Variants in CTNNA1 observed in about 807,000 individuals in gnomAD.
The protein encoded by CTNNA1 is catenin alpha 1.
A neutral mutation model predicts 98.4 loss-of-function variants in CTNNA1; 37 were observed. That is an observed-to-expected ratio of 0.38 (90% CI 0.29 to 0.49). The LOEUF is 0.49. Among genes scored for constraint, CTNNA1 ranks in the 20% least tolerant of loss-of-function variants. The pLI is 0.95. For synonymous variants in CTNNA1, 404 were observed against 413.2 expected, an observed-to-expected ratio of 0.98 and a Z score of 0.27; for missense variants, 761 against 1,147.2, an observed-to-expected ratio of 0.66 and a Z score of 4.86.
chr5:138,888,614 C>G (rs776086797), intron 9 of CTNNA1, among the ~76,000 whole-genome samples: 1 of 152,170 alleles, frequency 6.6e-6, no homozygotes, highest in Non-Finnish European at 1.5e-5. Flanking sequence ...GTGGGACAAT[C>G]TCAGCTGACT....
chr5:138,800,879 T>TATGTATCA (rs1341697342), intron 3 of CTNNA1, among the ~76,000 whole-genome samples: 1 of 152,112 alleles, frequency 6.6e-6, no homozygotes, highest in Non-Finnish European at 1.5e-5. Context: ...CAATTCACAG[T>TATGTATCA]ATGTATCAGG....
At chr5:138,897,105 CCCGCTACCA>C (rs1206086703) in intron 9 of CTNNA1, among the ~76,000 whole-genome samples, 2 of 151,920 alleles carry the variant, frequency 1.3e-5, no homozygotes, top group African/African-American at 4.8e-5. Context: ...TCATCCTTTC[CCCGCTACCA>C]CCAGTAACTT....
intron 7 of CTNNA1, among the ~76,000 whole-genome samples, chr5:138,849,618 A>G (rs1256836096): frequency 1.3e-5 from 2 of 152,164 alleles, no homozygotes; most frequent in African/African-American, 4.8e-5. Flanking sequence ...GGCTGGTATC[A>G]TCACTCCACT....
Position 138,874,250 on chromosome 5 carries a change from G to T in CTNNA1, c.1063-11962G>T. The T allele has an allele frequency of 6.2e-7, 1 of 1,614,020 alleles. No individual in the cohort carries two copies. The highest frequency in any genetic ancestry group is 8.5e-7 in the Non-Finnish European group (1 of 1,179,896). On this transcript the variant is annotated intron_variant, in intron 7 of 17. Coordinates refer to ENST00000302763, the MANE Select transcript of CTNNA1 (RefSeq NM_001903.5). This position sits in a 1 kb window ranked among gnomAD's most constrained non-coding sequence, Gnocchi z 4.1. ...CTTAAGTTTATATAGTCCTTGAAAA[G>T]CATCTTCTTTTACTGTTGAAATTTG... is the stretch of plus-strand genomic sequence containing the variant.
At chr5:138,917,296 G>T (rs1473376700) in intron 10 of CTNNA1, among the ~76,000 whole-genome samples, 1 of 152,178 alleles carries the variant, frequency 6.6e-6, no homozygotes, top group East Asian at 1.9e-4. Flanking sequence ...CCTACAATAG[G>T]AGAATAACAG....
intron 7 of CTNNA1, among the ~76,000 whole-genome samples, chr5:138,842,839 A>G (rs1561583748): frequency 1.3e-5 from 2 of 152,214 alleles, no homozygotes; most frequent in Admixed American, 6.5e-5. Flanking sequence ...GTTAAAAAAC[A>G]CCTGACACCA....
intron 9 of CTNNA1, among the ~76,000 whole-genome samples, chr5:138,897,648 G>C (rs1362974344): frequency 3.3e-5 from 5 of 152,108 alleles, no homozygotes; most frequent in African/African-American, 9.7e-5. Context: ...TGGGGAGAAT[G>C]CTGACCTTGG....
intron 7 of CTNNA1, among the ~76,000 whole-genome samples, chr5:138,885,355 C>T (rs774376899): frequency 6.6e-6 from 1 of 152,104 alleles, no homozygotes. Context: ...CAGAAAGAAC[C>T]GTATTTGTTT....
intron 3 of CTNNA1, among the ~76,000 whole-genome samples, chr5:138,799,625 ATT>A (rs11386305): frequency 4.9e-4 from 69 of 142,132 alleles, no homozygotes; most frequent in African/African-American, 1.5e-3. Flanking sequence ...TCTTAGTGTC[ATT>A]TTTTTTTTTT....
intron 6 of CTNNA1, among the ~76,000 whole-genome samples, chr5:138,825,918 A>G (rs1581173079): frequency 6.6e-6 from 1 of 152,148 alleles, no homozygotes; most frequent in Non-Finnish European, 1.5e-5. Context: ...AGTATTAGGT[A>G]TCTTTCAGGG....
intron 7 of CTNNA1, among the ~76,000 whole-genome samples, chr5:138,881,297 T>C (rs1270911663): frequency 2.0e-5 from 3 of 152,222 alleles, no homozygotes; most frequent in Non-Finnish European, 2.9e-5. Flanking sequence ...AAGATTGATC[T>C]ACTGTTGAGC....
At chr5:138,810,277 ATTCC>A in intron 4 of CTNNA1, 73 bp downstream of exon 4, 1 of 1,514,336 alleles carries the variant, frequency 6.6e-7, no homozygotes, top group Non-Finnish European at 9.1e-7. Context: ...TTAGTTCAGT[ATTCC>A]TTAGGATTTA....
At chr5:138,904,869 C>A (rs569461233) in intron 10 of CTNNA1, 12 of 151,758 alleles carry the variant, frequency 7.9e-5, no homozygotes, top group African/African-American at 2.7e-4. Flanking sequence ...CCGAGGCGGG[C>A]GGATCACGAG....
chr5:138,925,316 C>A lies in CTNNA1; in HGVS notation c.1808C>A (p.Ala603Asp), dbSNP rs892478752. Residue 603 changes from alanine (A) to aspartate (D), a missense_variant, in exon 13 of 18, where the codon GCC (alanine) becomes GAC (aspartate). Around this residue, in one of 6 missense-constraint regions of CTNNA1, gnomAD observed 287 missense variants for 436.0 expected, o/e 0.66. Transcript: ENST00000302763. ...AAVEALSSDP[A>D]QPMDENEFID... Reference sequence around the variant, plus strand: ...GTGGAAGCCCTCAGCTCGGACCCTGCCCAGCCCATGGATGAGAATGAGTTT... The same window carrying A: ...GTGGAAGCCCTCAGCTCGGACCCTGACCAGCCCATGGATGAGAATGAGTTT... 6.2e-7 allele frequency: 1 copy of A among 1,614,140 alleles called. No individual in the cohort carries two copies. The highest frequency in any genetic ancestry group is 8.5e-7 in the Non-Finnish European group (1 of 1,180,032).
At chr5:138,924,755 C>T in intron 12 of CTNNA1, 45 bp downstream of exon 12, 3 of 1,508,318 alleles carry the variant, frequency 2.0e-6, no homozygotes, top group Non-Finnish European at 2.7e-6. Flanking sequence ...ACCGCAGCCT[C>T]AGTGAGGCAG....
chr5:138,830,255 G>A (rs936694182), intron 7 of CTNNA1, among the ~76,000 whole-genome samples: 5 of 149,814 alleles, frequency 3.3e-5, no homozygotes, highest in African/African-American at 7.4e-5. Flanking sequence ...CCAGCTACTC[G>A]GGAGGCTGAG....
At chr5:138,838,692 T>C (rs990098726) in intron 7 of CTNNA1, among the ~76,000 whole-genome samples, 2 of 152,352 alleles carry the variant, frequency 1.3e-5, no homozygotes, top group Non-Finnish European at 2.9e-5. Flanking sequence ...TGTAAAGATA[T>C]AGTGGTATAG....
intron 2 of CTNNA1, chr5:138,782,383 T>C (rs1386535545): frequency 2.3e-6 from 1 of 435,376 alleles, no homozygotes; most frequent in Non-Finnish European, 4.6e-6. Context: ...ACACCTTTCA[T>C]TGTGTGGGAT....
In CTNNA1 at chr5:138,781,173, C is replaced by T. The variant is rs28363381; in HGVS notation, c.-2-750C>T. Among the ~76,000 whole-genome samples, 750 of 152,254 alleles carry T rather than the reference C, an allele frequency of 4.9e-3. 8 individuals are homozygous for T. The highest frequency in any genetic ancestry group is 3.1e-3 in the Non-Finnish European group (208 of 68,030). ...CCATCAAAAAATGAAGTGAAGCATA[C>T]CTTTTAGATACTACTGTACCATGAA... On this transcript the variant is annotated intron_variant, in intron 1 of 17. Transcript: ENST00000302763.
Sources: allele counts gnomAD v4.1 joint callset (sites outside exome capture counted in the v4.1 genomes callset), GRCh38; gene constraint gnomAD v4.1.1; regional missense constraint gnomAD v4.1.1; non-coding constraint Gnocchi (gnomAD v3.1); transcripts MANE v1.5; gene names NCBI Gene and HGNC (gene_info 2026-07-23, HGNC 2026-07-21).